Variants in MOB3B observed in about 807,000 individuals in gnomAD.
MOB3B encodes MOB kinase activator-like 2B.
Under a neutral mutation model 18.7 loss-of-function variants are expected in MOB3B, and 7 were observed. That is an observed-to-expected ratio of 0.37 (90% CI 0.21 to 0.70). The LOEUF (loss-of-function observed/expected upper bound fraction) is 0.70. Among genes scored for constraint, MOB3B ranks in the 30% least tolerant of loss-of-function variants. The probability of loss-of-function intolerance (pLI) is 0.52; values close to 1 mark genes in which losing one functional copy is unlikely to be tolerated. For synonymous variants in MOB3B, 111 were observed against 99.9 expected (o/e 1.11, Z -0.66); for missense variants, 253 against 281.3 (o/e 0.90, Z 0.72).
At chr9:27,488,543 G>T (rs912000575) in intron 1 of MOB3B, among the ~76,000 whole-genome samples, 2 of 152,142 alleles carry the variant, frequency 1.3e-5, no homozygotes, top group East Asian at 3.9e-4. Flanking sequence ...GAGTAGCTGG[G>T]ATTACAGGCA....
chr9:27,426,248 TA>T (rs1305361329), intron 2 of MOB3B, among the ~76,000 whole-genome samples: 1 of 152,198 alleles, frequency 6.6e-6, no homozygotes, highest in Non-Finnish European at 1.5e-5. Flanking sequence ...TTGGTATAAA[TA>T]AAGTCATGTA....
At chr9:27,509,394 C>A (rs1820108067) in intron 1 of MOB3B, among the ~76,000 whole-genome samples, 1 of 151,994 alleles carries the variant, frequency 6.6e-6, no homozygotes, top group Non-Finnish European at 1.5e-5. Context: ...AATTATCAGC[C>A]CAACAAATTA....
In MOB3B at chr9:27,327,143, C is replaced by T. The variant is rs532836213; in HGVS notation, c.*3444G>A. 1 of 152,322 alleles carries T rather than the reference C, an allele frequency of 6.6e-6. No homozygotes were observed. Among genetic ancestry groups the T allele is most frequent in the Non-Finnish European group, 1.5e-5 (1 of 68,026 alleles). 9.4% of individuals were successfully genotyped at this position (152,322 alleles called of 1,614,324 possible). ...CCTGTTATATGGAAAGGGATGAATG[C>T]TTTGCTAGTGCTATATCATCTGACT... On this transcript the variant is annotated 3_prime_UTR_variant, in exon 4 of 4. Transcript: ENST00000262244.
chr9:27,502,656 C>T (rs1227828707), intron 1 of MOB3B, among the ~76,000 whole-genome samples: 4 of 152,194 alleles, frequency 2.6e-5, no homozygotes, highest in Non-Finnish European at 5.9e-5. Context: ...GCTTTTCTGG[C>T]TTCAGAATCT....
rs566650702 is a variant in MOB3B, at chr9:27,433,813, G to T, written c.418+21320C>A. Among the ~76,000 whole-genome samples the T allele has an allele frequency of 4.1e-4, 62 of 152,264 alleles. 1 individual carries two copies. The South Asian group carries it at 0.012, about 31-fold the overall frequency. On this transcript the variant is annotated intron_variant, in intron 2 of 3. Coordinates refer to ENST00000262244, the MANE Select transcript of MOB3B (RefSeq NM_024761.5). The stretch of plus-strand genomic sequence containing the variant: ...AAACCTGCTAAACTACTGAATCACT[G>T]CCAAGAGTGACCTTTACAGAGCCTG...
intron 1 of MOB3B, among the ~76,000 whole-genome samples, chr9:27,464,812 A>AG (rs1032201872): frequency 1.6e-4 from 24 of 152,186 alleles, no homozygotes; most frequent in Non-Finnish European, 3.1e-4. Flanking sequence ...AAGCAAAAAA[A>AG]GAGACCCCTG....
At chr9:27,523,612 T>A (rs1202463619) in intron 1 of MOB3B, among the ~76,000 whole-genome samples, 1 of 152,146 alleles carries the variant, frequency 6.6e-6, no homozygotes, top group Non-Finnish European at 1.5e-5. Context: ...CAGGATGGAT[T>A]TAACTGAAGA....
intron 3 of MOB3B, among the ~76,000 whole-genome samples, chr9:27,334,586 C>T (rs1016815229): frequency 6.6e-6 from 1 of 152,124 alleles, no homozygotes; most frequent in Admixed American, 6.5e-5. Flanking sequence ...GGAAGAAGTT[C>T]TTGATAGCCA....
intron 1 of MOB3B, among the ~76,000 whole-genome samples, chr9:27,482,829 T>C (rs139435201): frequency 3.4e-4 from 52 of 152,190 alleles, no homozygotes; most frequent in Middle Eastern, 3.4e-3. Flanking sequence ...ACAAAGAAAA[T>C]TGTATTCATC....
chr9:27,450,126 G>A (rs980201844), intron 2 of MOB3B, among the ~76,000 whole-genome samples: 2 of 152,138 alleles, frequency 1.3e-5, no homozygotes, highest in African/African-American at 4.8e-5. Flanking sequence ...GAGGGAGGAT[G>A]AGACTCAGCT....
rs544569865 is a variant in MOB3B at position 27,453,643 on chromosome 9, G to C, written c.418+1490C>G. Among the ~76,000 whole-genome samples, 45 of 152,196 alleles carry C rather than the reference G, an allele frequency of 3.0e-4. 1 individual carries two copies. The highest frequency in any genetic ancestry group is 3.4e-3 in the Middle Eastern group (1 of 294). ...GTCAGTACTCTCTGTGGTAGCCACA[G>C]TTGCAGAGAGAACAGGAGTATGCAG... On this transcript the variant is annotated intron_variant, in intron 2 of 3. Transcript: ENST00000262244.
Position 27,455,641 on chromosome 9 carries a change from C to T in MOB3B, c.-91G>A. The T allele has an allele frequency of 6.3e-7, 1 of 1,581,132 alleles. No individual in the cohort carries two copies. The highest frequency in any genetic ancestry group is 8.5e-7 in the Non-Finnish European group (1 of 1,169,772). Reference sequence around the variant, plus strand: ...GATCACAGCCCAACAGTGTTTTCCACTGCCAGCACTCAGGCCCCAGTCTTA... The same window carrying T: ...GATCACAGCCCAACAGTGTTTTCCATTGCCAGCACTCAGGCCCCAGTCTTA... On this transcript the variant is annotated 5_prime_UTR_variant, in exon 2 of 4. In the 5' UTR this introduces an upstream ATG that the reference lacks. Coordinates refer to ENST00000262244, the MANE Select transcript of MOB3B (RefSeq NM_024761.5).
At chr9:27,425,335 A>T (rs1361300951) in intron 2 of MOB3B, among the ~76,000 whole-genome samples, 1 of 150,664 alleles carries the variant, frequency 6.6e-6, no homozygotes, top group Admixed American at 6.6e-5. Context: ...AGAGCGCGCC[A>T]TTGCACTCCA....
At chr9:27,374,551 G>C (rs1436635000) in intron 2 of MOB3B, among the ~76,000 whole-genome samples, 2 of 152,132 alleles carry the variant, frequency 1.3e-5, no homozygotes, top group African/African-American at 4.8e-5. Flanking sequence ...GGTGAGGCAG[G>C]AGTGGGAAGA....
chr9:27,342,018 T>C lies in MOB3B; in HGVS notation c.622-11402A>G, dbSNP rs140231842. The stretch of plus-strand genomic sequence containing the variant: ...TATTTTATGACATATGATTATTTTA[T>C]GAAATTCAAATTTCCATGTCCATAA... On this transcript the variant is annotated intron_variant, in intron 3 of 3. Coordinates refer to ENST00000262244, the MANE Select transcript of MOB3B (RefSeq NM_024761.5). Among the ~76,000 whole-genome samples, 497 of 152,358 alleles carry C rather than the reference T, an allele frequency of 3.3e-3. 1 individual carries two copies. Among genetic ancestry groups the C allele is most frequent in the Non-Finnish European group, 6.0e-3 (411 of 68,026 alleles).
intron 2 of MOB3B, among the ~76,000 whole-genome samples, chr9:27,393,426 G>A (rs769530220): frequency 7.2e-5 from 11 of 151,870 alleles, no homozygotes; most frequent in Non-Finnish European, 1.2e-4. Context: ...AGAGGAGGAA[G>A]TGGAGGATGA....
intron 2 of MOB3B, among the ~76,000 whole-genome samples, chr9:27,426,687 C>G (rs182457729): frequency 1.0e-3 from 152 of 152,324 alleles, no homozygotes; most frequent in Non-Finnish European, 1.3e-3. Context: ...ACTGTCCCCC[C>G]CTGCCCGACT....
intron 2 of MOB3B, among the ~76,000 whole-genome samples, chr9:27,398,500 G>A (rs1021597462): frequency 3.9e-5 from 6 of 152,202 alleles, no homozygotes; most frequent in Non-Finnish European, 2.9e-5. Flanking sequence ...TTGACACAGA[G>A]TCTAATACAG....
chr9:27,355,062 G>A (rs1400147609), intron 3 of MOB3B, among the ~76,000 whole-genome samples: 1 of 152,220 alleles, frequency 6.6e-6, no homozygotes, highest in Non-Finnish European at 1.5e-5. Flanking sequence ...TTGCACGTTA[G>A]TAAATGCAGG....
Sources: allele counts gnomAD v4.1 joint callset (sites outside exome capture counted in the v4.1 genomes callset), GRCh38; gene constraint gnomAD v4.1.1; transcripts MANE v1.5; gene names NCBI Gene and HGNC (gene_info 2026-07-23, HGNC 2026-07-21).